SGCD: variants seen among roughly 807,000 people sequenced by gnomAD.
The protein encoded by SGCD is sarcoglycan delta, also known as delta-sarcoglycan.
In SGCD, 18 loss-of-function variants were observed where a neutral mutation model predicts 36.6. The ratio of observed to expected loss-of-function variants is 0.49; its 90% CI spans 0.34 to 0.73. The LOEUF (loss-of-function observed/expected upper bound fraction) is 0.73. Ranked by LOEUF, SGCD falls within the 30% of genes least tolerant of loss-of-function variation. The pLI, the probability that SGCD is intolerant of heterozygous loss-of-function variation, is 0.01. For synonymous variants in SGCD, 133 were observed against 130.6 expected (o/e 1.02, Z -0.12); for missense variants, 387 against 346.7 (o/e 1.12, Z -0.92).
intron 7 of SGCD, among the ~76,000 whole-genome samples, chr5:156,671,890 A>C (rs969820447): frequency 6.6e-6 from 1 of 152,084 alleles, no homozygotes; most frequent in Non-Finnish European, 1.5e-5. Context: ...GTCACATGGC[A>C]AGAGAAAGGG....
chr5:156,640,560 G>T (rs754123789), intron 6 of SGCD, among the ~76,000 whole-genome samples: 12 of 152,072 alleles, frequency 7.9e-5, no homozygotes, highest in Non-Finnish European at 1.6e-4. Context: ...CACATAATAG[G>T]TACTTGTTAA....
intron 3 of SGCD, among the ~76,000 whole-genome samples, chr5:156,177,240 T>C (rs1216690194): frequency 6.6e-6 from 1 of 152,146 alleles, no homozygotes; most frequent in African/African-American, 2.4e-5. Flanking sequence ...GACCTCGTGA[T>C]CCACTCACCT....
At chr5:156,677,552 G>A (rs1022879285) in intron 7 of SGCD, among the ~76,000 whole-genome samples, 1 of 152,108 alleles carries the variant, frequency 6.6e-6, no homozygotes, top group Admixed American at 6.6e-5. Flanking sequence ...GGTTGGGGGA[G>A]GGGGAGGGAT....
chr5:155,866,155 C>T (rs990066986), upstream of SGCD, among the ~76,000 whole-genome samples: 16 of 152,136 alleles, frequency 1.1e-4, no homozygotes, highest in African/African-American at 1.7e-4. Flanking sequence ...ACTGAAGGGT[C>T]AGGATTTAAT....
intron 4 of SGCD, among the ~76,000 whole-genome samples, chr5:156,514,219 T>A (rs899697171): frequency 6.6e-6 from 1 of 152,228 alleles, no homozygotes; most frequent in Non-Finnish European, 1.5e-5. Flanking sequence ...TCCCTACTTC[T>A]TCAAAGAGGC....
intron 2 of SGCD, among the ~76,000 whole-genome samples, chr5:156,121,045 T>TAA: frequency 6.6e-6 from 1 of 152,206 alleles, no homozygotes; most frequent in South Asian, 2.1e-4. Context: ...TGCCCAGGAA[T>TAA]GTGGGGGCAG....
chr5:156,699,753 GA>G (rs5872481), intron 7 of SGCD, among the ~76,000 whole-genome samples: 8,582 of 152,250 alleles, frequency 0.056, 392 homozygotes, highest in East Asian at 0.22. Flanking sequence ...TGTACTTCCT[GA>G]AAGGTGAGAC....
chr5:156,070,848 G>A (rs1488362823), intron 1 of SGCD, among the ~76,000 whole-genome samples: 2 of 152,084 alleles, frequency 1.3e-5, no homozygotes, highest in African/African-American at 4.8e-5. Context: ...CTTCTTCCTG[G>A]TTTAGTCTTG....
intron 3 of SGCD, among the ~76,000 whole-genome samples, chr5:156,250,179 T>G (rs112201146): frequency 2.6e-5 from 4 of 152,208 alleles, no homozygotes; most frequent in Admixed American, 2.0e-4. Context: ...TTTTTGTCAT[T>G]TACTATGAAG....
chr5:156,742,154 G>T (rs1756711227), intron 7 of SGCD, among the ~76,000 whole-genome samples: 1 of 152,180 alleles, frequency 6.6e-6, no homozygotes, highest in Admixed American at 6.5e-5. Context: ...GGGATTACAG[G>T]CGTGAGCCAC....
intron 3 of SGCD, among the ~76,000 whole-genome samples, chr5:156,487,267 C>A (rs1186021555): frequency 6.6e-6 from 1 of 152,148 alleles, no homozygotes; most frequent in Non-Finnish European, 1.5e-5. Flanking sequence ...CTGAAGAAAT[C>A]ATATAGAGAT....
intron 1 of SGCD, among the ~76,000 whole-genome samples, chr5:155,896,877 A>G (rs986031927): frequency 6.6e-6 from 1 of 152,352 alleles, no homozygotes; most frequent in East Asian, 1.9e-4. Context: ...AATCAGTGTC[A>G]TAGATAATCT....
chr5:156,351,635 C>G (rs903533853), intron 3 of SGCD, among the ~76,000 whole-genome samples: 3 of 151,932 alleles, frequency 2.0e-5, no homozygotes, highest in Non-Finnish European at 4.4e-5. Context: ...TCATCATCAT[C>G]ATCATCATCA....
intron 3 of SGCD, among the ~76,000 whole-genome samples, chr5:156,177,402 A>G (rs1385505106): frequency 6.6e-6 from 1 of 152,154 alleles, no homozygotes; most frequent in African/African-American, 2.4e-5. Flanking sequence ...AATGGAAAAT[A>G]CCTTGATGGT....
chr5:156,625,353 T>TA (rs1217313454), intron 6 of SGCD, among the ~76,000 whole-genome samples: 1 of 151,816 alleles, frequency 6.6e-6, no homozygotes, highest in Admixed American at 6.6e-5. Flanking sequence ...GCCAACACAT[T>TA]AAAAAAAAGT....
At chr5:156,001,850 G>A (rs934268062) in intron 1 of SGCD, among the ~76,000 whole-genome samples, 1 of 152,232 alleles carries the variant, frequency 6.6e-6, no homozygotes, top group Non-Finnish European at 1.5e-5. Context: ...GGGCCACTGA[G>A]GGTGAAGGGC....
chr5:155,996,449 A>G (rs1021528592), intron 1 of SGCD, among the ~76,000 whole-genome samples: 48 of 152,152 alleles, frequency 3.2e-4, no homozygotes, highest in Middle Eastern at 3.2e-3. Context: ...AATACTTAAT[A>G]GGTTGATTGT....
chr5:156,540,830 G>A (rs1758321535), intron 4 of SGCD, among the ~76,000 whole-genome samples: 1 of 152,164 alleles, frequency 6.6e-6, no homozygotes, highest in South Asian at 2.1e-4. Flanking sequence ...TTCCCACAAA[G>A]ATGTATTGGG....
chr5:156,461,182 AT>A (rs1177662560), intron 3 of SGCD, among the ~76,000 whole-genome samples: 1 of 152,182 alleles, frequency 6.6e-6, no homozygotes, highest in Non-Finnish European at 1.5e-5. Flanking sequence ...TGTAATGTCA[AT>A]TCTAAAAAGC....
Sources: gnomAD v4.1 joint callset for allele counts (sites outside exome capture counted in the v4.1 genomes callset) on GRCh38, gnomAD v4.1.1 for gene constraint, MANE v1.5 for transcripts, NCBI Gene and HGNC (gene_info 2026-07-23, HGNC 2026-07-21) for gene names.